Variants in TANC2 observed in about 807,000 individuals in gnomAD.
The protein encoded by TANC2 is tetratricopeptide repeat, ankyrin repeat and coiled-coil containing 2, also known as protein TANC2.
A neutral mutation model predicts 210.5 loss-of-function variants in TANC2; 26 were observed. The observed-to-expected ratio is 0.12, with a 90% CI of 0.09 to 0.17. TANC2 has a LOEUF of 0.17. Among genes scored for constraint, TANC2 ranks in the 10% least tolerant of loss-of-function variants. TANC2 has a pLI of 1.00. For missense variants in TANC2, 2,129 were observed against 2,608.9 expected, an observed-to-expected ratio of 0.82 and a Z score of 4.01; for synonymous variants, 931 against 967.1, an observed-to-expected ratio of 0.96 and a Z score of 0.69.
intron 1 of TANC2, among the ~76,000 whole-genome samples, chr17:62,987,477 C>G (rs2032627261): frequency 6.6e-6 from 1 of 152,190 alleles, no homozygotes; most frequent in Admixed American, 6.5e-5. Flanking sequence ...TTCCCTGCAG[C>G]TCTTCTAACG....
At chr17:63,394,849 A>G (rs971306020) in intron 17 of TANC2, among the ~76,000 whole-genome samples, 2 of 152,080 alleles carry the variant, frequency 1.3e-5, no homozygotes, top group African/African-American at 2.4e-5. Context: ...CTTGTTGGAG[A>G]GTCCTTGAGA....
chr17:63,340,149 G>A, exon 12 of TANC2: 11 of 1,613,820 alleles, frequency 6.8e-6, no homozygotes, highest in Non-Finnish European at 8.5e-6. Context: ...CACTTGCTTG[G>A]TGCCAGAATT....
Position 63,328,235 on chromosome 17 carries a change from A to G in TANC2, c.1575+9145A>G, listed in dbSNP as rs565792685. Reference sequence around the variant, plus strand: ...GTGAGGATACTACCTGTCGGGTACTATGCTCACTGTGGGTGACAGTCATCT... The same window carrying G: ...GTGAGGATACTACCTGTCGGGTACTGTGCTCACTGTGGGTGACAGTCATCT... On this transcript the variant is annotated intron_variant, in intron 11 of 27. Coordinates refer to ENST00000689528, the Ensembl canonical transcript of TANC2. Among the ~76,000 whole-genome samples the G allele has an allele frequency of 5.9e-5, 9 of 152,192 alleles. No individual in the cohort carries two copies. The East Asian group carries it at 7.7e-4, about 13-fold the overall frequency.
intron 8 of TANC2, among the ~76,000 whole-genome samples, chr17:63,262,721 A>G (rs964999678): frequency 1.3e-4 from 20 of 152,082 alleles, no homozygotes; most frequent in Admixed American, 2.0e-4. Flanking sequence ...TGGATTAAAC[A>G]TAAGAAACAA....
intron 7 of TANC2, among the ~76,000 whole-genome samples, chr17:63,207,613 T>C (rs981463219): frequency 6.6e-6 from 1 of 152,238 alleles, no homozygotes; most frequent in Non-Finnish European, 1.5e-5. Context: ...TTCTACTGTA[T>C]GAATATAGCA....
At chr17:63,205,333 A>T (rs1226589419) in intron 7 of TANC2, among the ~76,000 whole-genome samples, 1 of 136,212 alleles carries the variant, frequency 7.3e-6, no homozygotes, top group Non-Finnish European at 1.6e-5. Flanking sequence ...CTCAAAATTT[A>T]ACCAAGGAGG....
intron 7 of TANC2, among the ~76,000 whole-genome samples, chr17:63,231,827 T>A (rs898052219): frequency 6.6e-6 from 1 of 152,228 alleles, no homozygotes; most frequent in African/African-American, 2.4e-5. Flanking sequence ...TTGGGGAAGT[T>A]CTCCTGGATG....
intron 8 of TANC2, 80 bp downstream of exon 8, chr17:63,238,157 T>C (rs2042675023): frequency 7.0e-6 from 10 of 1,420,010 alleles, no homozygotes; most frequent in Admixed American, 3.0e-5. Flanking sequence ...TGAAAATAAA[T>C]CCTGCTCTGA....
intron 2 of TANC2, among the ~76,000 whole-genome samples, chr17:63,022,047 A>C (rs906269632): frequency 6.6e-6 from 1 of 152,114 alleles, no homozygotes; most frequent in Non-Finnish European, 1.5e-5. Context: ...GGAATTTAAG[A>C]ATGACAAACT....
intron 11 of TANC2, among the ~76,000 whole-genome samples, chr17:63,320,172 C>T (rs1389807992): frequency 6.6e-6 from 1 of 152,122 alleles, no homozygotes; most frequent in Non-Finnish European, 1.5e-5. Context: ...TTTGTTTTTC[C>T]TAGGGGTTTA....
intron 2 of TANC2, among the ~76,000 whole-genome samples, chr17:63,041,383 A>G (rs1479889618): frequency 6.6e-6 from 1 of 152,138 alleles, no homozygotes; most frequent in Non-Finnish European, 1.5e-5. Flanking sequence ...AGATGAAACA[A>G]AGAAATCTGA....
intron 4 of TANC2, among the ~76,000 whole-genome samples, chr17:63,134,402 T>C (rs2039020717): frequency 6.6e-6 from 1 of 152,112 alleles, no homozygotes; most frequent in Non-Finnish European, 1.5e-5. Flanking sequence ...ATCTTTTACC[T>C]TGAGAGGTGA....
intron 7 of TANC2, among the ~76,000 whole-genome samples, chr17:63,214,117 T>G (rs2041962555): frequency 6.6e-6 from 1 of 152,212 alleles, no homozygotes; most frequent in South Asian, 2.1e-4. Flanking sequence ...ACTCCCTTCC[T>G]GTATTGGTCA....
Position 63,421,175 on chromosome 17 carries a change from A to C in TANC2, c.5445A>C (p.Ser1815=), listed in dbSNP as rs770494982. ...CATCCTATTACCCAGTCTGTCACTC[A>C]AAACTAGATCTGGAGCGCTCCTCCA... The change falls in exon 28 of 28, where the codon TCA becomes TCC. Residue 1815 remains serine, a synonymous_variant. Transcript: ENST00000689528. This position sits in a 1 kb window ranked among gnomAD's most constrained non-coding sequence, Gnocchi z 6.9. The C allele has an allele frequency of 6.2e-7, 1 of 1,613,968 alleles. No individual in the cohort carries two copies. The highest frequency in any genetic ancestry group is 8.5e-7 in the Non-Finnish European group (1 of 1,179,876).
At chr17:63,015,825 A>G (rs2034083010) in intron 2 of TANC2, among the ~76,000 whole-genome samples, 1 of 152,048 alleles carries the variant, frequency 6.6e-6, no homozygotes, top group South Asian at 2.1e-4. Flanking sequence ...GTTCATATAT[A>G]TTAAATGTTT....
At chr17:63,089,268 C>T (rs955380731) in intron 3 of TANC2, 2 of 152,222 alleles carry the variant, frequency 1.3e-5, no homozygotes, top group African/African-American at 4.8e-5. Context: ...CAGCTTTGCC[C>T]CTCTGCCCAG....
At chr17:63,148,991 A>G in intron 4 of TANC2, 1 of 152,274 alleles carries the variant, frequency 6.6e-6, no homozygotes, top group Middle Eastern at 3.4e-3. Flanking sequence ...AAACAGTTTA[A>G]CTTTATTATT....
intron 4 of TANC2, among the ~76,000 whole-genome samples, chr17:63,126,324 T>G (rs904787910): frequency 5.9e-5 from 9 of 152,246 alleles, no homozygotes; most frequent in African/African-American, 2.2e-4. Context: ...TTGAATGCCT[T>G]CGGCTAAGCA....
intron 2 of TANC2, among the ~76,000 whole-genome samples, chr17:63,073,704 G>A (rs536441899): frequency 6.6e-6 from 1 of 152,182 alleles, no homozygotes; most frequent in African/African-American, 2.4e-5. Context: ...ATATACATAT[G>A]GGGGAGGGGA....
Sources: allele counts gnomAD v4.1 joint callset (sites outside exome capture counted in the v4.1 genomes callset), GRCh38; gene constraint gnomAD v4.1.1; non-coding constraint Gnocchi (gnomAD v3.1); transcripts MANE v1.5; gene names NCBI Gene and HGNC (gene_info 2026-07-23, HGNC 2026-07-21).